Variants in AMER1 observed in about 807,000 individuals in gnomAD.
The protein encoded by AMER1 is RP11-403E24.2.
Under a neutral mutation model 53.0 loss-of-function variants are expected in AMER1, and 16 were observed. The ratio of observed to expected loss-of-function variants is 0.30; its 90% confidence interval spans 0.20 to 0.46. The LOEUF is 0.46. AMER1 is among the 20% of genes least tolerant of loss of function. The probability of loss-of-function intolerance (pLI) is 1.00; values close to 1 mark genes in which losing one functional copy is unlikely to be tolerated. For missense variants in AMER1, 947 were observed against 884.9 expected, an observed-to-expected ratio of 1.07 and a Z score of -0.89; for synonymous variants, 354 against 331.9, an observed-to-expected ratio of 1.07 and a Z score of -0.73.
chrX:64,189,575 C>T lies in AMER1; in HGVS notation c.*304G>A. 2 of 748,469 alleles carry T rather than the reference C, an allele frequency of 2.7e-6. No homozygotes were observed. The highest frequency in any genetic ancestry group is 3.1e-6 in the Non-Finnish European group (2 of 637,921). 61.7% of individuals were successfully genotyped at this position (748,469 alleles called of 1,213,427 possible). A position where few individuals can be genotyped will look rare whatever the true frequency, so the allele number is the denominator to read the frequency against. On this transcript the variant is annotated 3_prime_UTR_variant, in exon 2 of 2. Coordinates refer to ENST00000374869, the MANE Select transcript of AMER1 (RefSeq NM_152424.4). The stretch of plus-strand genomic sequence containing the variant: ...ATATATATAATCACTAACTTGGCAA[C>T]TGGAATAGGCACAAAATTACAGCAT...
At chrX:64,197,037 C>T (rs1377496433) in intron 1 of AMER1, among the ~76,000 whole-genome samples, 2 of 112,525 alleles carry the variant, frequency 1.8e-5, no homozygotes, top group African/African-American at 6.5e-5. Context: ...CAAGAGTTCA[C>T]CAAGAGAGTG....
At position 64,190,249 on chromosome X, in the gene AMER1, G is replaced by A. The variant is rs765991551; in HGVS notation, c.3038C>T (p.Pro1013Leu). 4 of 1,212,013 alleles carry A rather than the reference G, an allele frequency of 3.3e-6. No individual in the cohort carries two copies. Among genetic ancestry groups the A allele is most frequent in the Non-Finnish European group, 4.5e-6 (4 of 895,552 alleles). Residue 1013 changes from proline (P) to leucine (L), a missense_variant, in exon 2 of 2, where the codon CCT becomes CTT. Transcript: ENST00000374869. ...ISLSVPESRAPGESGPQLARP... is the reference protein window; with the variant it reads ...ISLSVPESRALGESGPQLARP... ...AGCTAGTTGAGGCCCAGATTCCCCAGGTGCCCTTGACTCTGGCACTGATAG... is the reference window on the plus strand; with the variant it reads ...AGCTAGTTGAGGCCCAGATTCCCCAAGTGCCCTTGACTCTGGCACTGATAG...
In AMER1 at chrX:64,186,759, G is replaced by T; in HGVS notation, c.*3120C>A. The T allele has an allele frequency of 3.9e-6, 3 of 775,402 alleles. No homozygotes were observed. The highest frequency in any genetic ancestry group is 4.6e-6 in the Non-Finnish European group (3 of 651,546). 63.9% of individuals were successfully genotyped at this position (775,402 alleles called of 1,213,427 possible). ...GATAGGTAGGGCTGGCTTGAACTGG[G>T]CCCCAAGGCAGTGCTTCCTTGGAGA... On this transcript the variant is annotated 3_prime_UTR_variant, in exon 2 of 2. Transcript: ENST00000374869.
chrX:64,203,372 T>A (rs889440562), intron 1 of AMER1, among the ~76,000 whole-genome samples: 2 of 111,742 alleles, frequency 1.8e-5, no homozygotes, highest in African/African-American at 6.5e-5. Flanking sequence ...AAAGGTCTTC[T>A]GGAAAACTCT....
At chrX:64,201,269 C>T (rs1385801173) in intron 1 of AMER1, among the ~76,000 whole-genome samples, 1 of 111,321 alleles carries the variant, frequency 9.0e-6, no homozygotes, top group African/African-American at 3.3e-5. Context: ...GCTAGAAATA[C>T]ACTTACACAC....
chrX:64,191,810 C>T lies in AMER1; in HGVS notation c.1477G>A (p.Asp493Asn), dbSNP rs776457771. ...SGEALGLVRR[D>N]CLPRDSYSGD... ...CTGTAGCTGTCTCGGGGTAGACAAT[C>T]CCTGCGGACAAGCCCCAGGGCCTCA... Residue 493 changes from aspartate (D) to asparagine (N), a missense_variant, in exon 2 of 2, where the codon GAT becomes AAT. Asp to Asn is a conservative substitution (Grantham distance 23, BLOSUM62 1). Coordinates refer to ENST00000374869, the MANE Select transcript of AMER1 (RefSeq NM_152424.4). 8 of 1,211,628 alleles carry T rather than the reference C, an allele frequency of 6.6e-6. No homozygotes were observed. Among genetic ancestry groups the T allele is most frequent in the Admixed American group, 6.5e-5 (3 of 46,055 alleles).
At chrX:64,204,209 G>A (rs1930547585) in intron 1 of AMER1, among the ~76,000 whole-genome samples, 1 of 113,341 alleles carries the variant, frequency 8.8e-6, no homozygotes. Context: ...CTGGAATCCC[G>A]GTGGGGCAGG....
chrX:64,187,916 C>A lies in AMER1; in HGVS notation c.*1963G>T, dbSNP rs1930140298. ...ACAATGTATCTGTAGCCAAAGTCAGCCTGAAGAGCTGGTCTGGGTCCCTTG... is the reference window on the plus strand; with the variant it reads ...ACAATGTATCTGTAGCCAAAGTCAGACTGAAGAGCTGGTCTGGGTCCCTTG... On this transcript the variant is annotated 3_prime_UTR_variant, in exon 2 of 2. Transcript: ENST00000374869. 3.9e-6 allele frequency: 3 copies of A among 779,083 alleles called. No homozygotes were observed. In the East Asian group the frequency reaches 2.6e-4, roughly 69 times the overall value. The allele number at this position is 779,083 out of a possible 1,213,427, so 64.2% of individuals were successfully genotyped here.
rs888765425 is a variant in AMER1 at position 64,186,575 on chromosome X, A to T, written c.*3304T>A. The T allele has an allele frequency of 6.4e-6, 5 of 775,391 alleles. No homozygotes were observed. The highest frequency in any genetic ancestry group is 2.3e-5 in the African/African-American group (1 of 43,760). The allele number at this position is 775,391 out of a possible 1,213,427, so 63.9% of individuals were successfully genotyped here. On this transcript the variant is annotated 3_prime_UTR_variant, in exon 2 of 2. Transcript: ENST00000374869. ...TGGGGTGGTGGCACTGGCACAGGTA[A>T]GGAAAGCTGCTGGCAGCAGGATGAA...
chrX:64,186,260 T>C lies in AMER1; in HGVS notation c.*3619A>G. Reference sequence around the variant, plus strand: ...GGGAAAGAGGGAGGGCCCTAGGCAGTTGAGATGCCAGCCCTCTGCACAAGC... The same window carrying C: ...GGGAAAGAGGGAGGGCCCTAGGCAGCTGAGATGCCAGCCCTCTGCACAAGC... On this transcript the variant is annotated 3_prime_UTR_variant, in exon 2 of 2. Transcript: ENST00000374869. The C allele has an allele frequency of 8.9e-7, 1 of 1,125,142 alleles. No individual in the cohort carries two copies. The highest frequency in any genetic ancestry group is 1.8e-5 in the African/African-American group (1 of 55,416). 92.7% of individuals were successfully genotyped at this position (1,125,142 alleles called of 1,213,427 possible).
intron 1 of AMER1, among the ~76,000 whole-genome samples, chrX:64,203,850 T>C (rs1478033559): frequency 1.8e-5 from 2 of 110,394 alleles, no homozygotes; most frequent in East Asian, 5.8e-4. Flanking sequence ...CAAGTAGAGG[T>C]TTGTGTTGGG....
In AMER1 at chrX:64,189,793, A is replaced by ACCCACC; in HGVS notation, c.*85_*86insGGTGGG. ...CAAAGGGTTTTCAAGTTAAACAACA[A>ACCCACC]CCCCCACCCCCCCACCCTTCTGCCC... is the stretch of plus-strand genomic sequence containing the variant. On this transcript the variant is annotated 3_prime_UTR_variant, in exon 2 of 2. Coordinates refer to ENST00000374869, the MANE Select transcript of AMER1 (RefSeq NM_152424.4). The ACCCACC allele has an allele frequency of 6.8e-6, 2 of 292,074 alleles. No homozygotes were observed. The highest frequency in any genetic ancestry group is 9.8e-6 in the Non-Finnish European group (2 of 204,832). 24.1% of individuals were successfully genotyped at this position (292,074 alleles called of 1,213,427 possible). A position where few individuals can be genotyped will look rare whatever the true frequency, so the allele number is the denominator to read the frequency against.
chrX:64,197,234 A>G (rs1490283144), intron 1 of AMER1, among the ~76,000 whole-genome samples: 1 of 112,818 alleles, frequency 8.9e-6, no homozygotes, highest in Non-Finnish European at 1.9e-5. Context: ...AACCCTCCCA[A>G]GCCACTCTGT....
intron 1 of AMER1, among the ~76,000 whole-genome samples, chrX:64,197,268 T>TA (rs1930393471): frequency 2.7e-5 from 3 of 113,117 alleles, no homozygotes; most frequent in African/African-American, 9.6e-5. Context: ...GACTGCCTGC[T>TA]GCAGCAGCTG....
rs1930253473 is a variant in AMER1, at chrX:64,191,858, G to T, written c.1429C>A (p.Pro477Thr). Reference sequence around the variant, plus strand: ...TCACCTGAATCATCCTCAAATCCAGGTGTGGTGGAGTCATAATAACCTTCA... The same window carrying T: ...TCACCTGAATCATCCTCAAATCCAGTTGTGGTGGAGTCATAATAACCTTCA... ...SDEGYYDSTT[P>T]GFEDDSGEAL... is the part of the protein sequence containing the mutation. Residue 477 changes from proline (P) to threonine (T), a missense_variant, in exon 2 of 2, where the codon CCT (proline) becomes ACT (threonine). Physicochemically the swap from Pro to Thr is conservative, Grantham distance 38. Transcript: ENST00000374869. 3 of 1,211,538 alleles carry T rather than the reference G, an allele frequency of 2.5e-6. 1 individual carries two copies. The highest frequency in any genetic ancestry group is 5.9e-5 in the East Asian group (2 of 33,806).
Position 64,187,939 on chromosome X carries a change from T to C in AMER1, c.*1940A>G. The C allele has an allele frequency of 2.6e-6, 2 of 780,254 alleles. No individual in the cohort carries two copies. Among genetic ancestry groups the C allele is most frequent in the Non-Finnish European group, 3.1e-6 (2 of 654,533 alleles). The allele number at this position is 780,254 out of a possible 1,213,427, so 64.3% of individuals were successfully genotyped here. On this transcript the variant is annotated 3_prime_UTR_variant, in exon 2 of 2. Transcript: ENST00000374869. ...AGCCTGAAGAGCTGGTCTGGGTCCC[T>C]TGAGTGGTGGTGTTAGTGCCATGCA... is the stretch of plus-strand genomic sequence containing the variant.
Position 64,189,793 on chromosome X carries a change from A to AGGGGGCCCCCCCCCCCCC in AMER1, c.*85_*86insGGGGGGGGGGGGGCCCCC. 1 of 292,072 alleles carries AGGGGGCCCCCCCCCCCCC rather than the reference A, an allele frequency of 3.4e-6. No homozygotes were observed. Among genetic ancestry groups the AGGGGGCCCCCCCCCCCCC allele is most frequent in the Non-Finnish European group, 4.9e-6 (1 of 204,830 alleles). The allele number at this position is 292,072 out of a possible 1,213,427, so 24.1% of individuals were successfully genotyped here. A position where few individuals can be genotyped will look rare whatever the true frequency, so the allele number is the denominator to read the frequency against. Reference sequence around the variant, plus strand: ...CAAAGGGTTTTCAAGTTAAACAACAACCCCCACCCCCCCACCCTTCTGCCC... The same window carrying AGGGGGCCCCCCCCCCCCC: ...CAAAGGGTTTTCAAGTTAAACAACAAGGGGGCCCCCCCCCCCCCCCCCCACCCCCCCACCCTTCTGCCC... On this transcript the variant is annotated 3_prime_UTR_variant, in exon 2 of 2. Transcript: ENST00000374869.
In AMER1 at chrX:64,193,194, G is replaced by A. The variant is rs200635128; in HGVS notation, c.93C>T (p.Asn31=). 7.4e-6 allele frequency: 9 copies of A among 1,211,936 alleles called. No homozygotes were observed. The highest frequency in any genetic ancestry group is 1.0e-5 in the Non-Finnish European group (9 of 895,585). ...GTCCTTCTGTCGCCTCAGCTGCCTT[G>A]TTCTTGGCTCCTTTTTCTGCTGTTT... ...REQTAEKGAK[N]KAAEATEGPT... The change falls in exon 2 of 2, where the codon AAC becomes AAT. Residue 31 remains asparagine (N), a synonymous_variant. Coordinates refer to ENST00000374869, the MANE Select transcript of AMER1 (RefSeq NM_152424.4).
chrX:64,190,047 G>T lies in AMER1; in HGVS notation c.3240C>A (p.Ile1080=), dbSNP rs2147084194. 1 of 1,204,958 alleles carries T rather than the reference G, an allele frequency of 8.3e-7. No homozygotes were observed. The part of the protein sequence containing the change: ...SPLPQAKPVG[I]THGIPQLPRV... ...TGGGCAGCTGAGGAATGCCATGGGT[G>T]ATGCCCACAGGCTTGGCCTGTGGTA... Residue 1080 remains isoleucine, a synonymous_variant, in exon 2 of 2, where the codon ATC becomes ATA. Coordinates refer to ENST00000374869, the MANE Select transcript of AMER1 (RefSeq NM_152424.4).
Sources: gnomAD v4.1 joint callset for allele counts (sites outside exome capture counted in the v4.1 genomes callset) on GRCh38, gnomAD v4.1.1 for gene constraint, MANE v1.5 for transcripts, NCBI Gene and HGNC (gene_info 2026-07-23, HGNC 2026-07-21) for gene names.